ZNF197: variants seen among roughly 807,000 people sequenced by gnomAD.
ZNF197 encodes the protein zinc finger protein 197, also known as VHL-associated KRAB-A domain-containing protein.
In ZNF197, 14 loss-of-function variants were observed where a neutral mutation model predicts 27.4. The observed-to-expected ratio is 0.51, with a 90% CI of 0.34 to 0.80. The LOEUF (loss-of-function observed/expected upper bound fraction) is 0.80. ZNF197 is among the 30% of genes least tolerant of loss of function. ZNF197 has a pLI of 0.02. For missense variants in ZNF197, 1,090 were observed against 1,222.6 expected (o/e 0.89, Z 1.62); for synonymous variants, 415 against 420.0 (o/e 0.99, Z 0.15).
At position 44,644,803 on chromosome 3, in the gene ZNF197, T is replaced by C. The variant is rs1197235811; in HGVS notation, c.*583T>C. On this transcript the variant is annotated 3_prime_UTR_variant, in exon 6 of 6. Coordinates refer to ENST00000344387, the MANE Select transcript of ZNF197 (RefSeq NM_006991.5). Reference sequence around the variant, plus strand: ...GGGAGGCCGAGGTGGGAAGATCCCTTGAGCCCAGGAGTTCGAGACAAGCCT... The same window carrying C: ...GGGAGGCCGAGGTGGGAAGATCCCTCGAGCCCAGGAGTTCGAGACAAGCCT... 2.0e-6 allele frequency: 2 copies of C among 983,702 alleles called. No homozygotes were observed. The highest frequency in any genetic ancestry group is 6.1e-5 in the Admixed American group (1 of 16,264). 60.9% of individuals were successfully genotyped at this position (983,702 alleles called of 1,614,324 possible). A position where few individuals can be genotyped will look rare whatever the true frequency, so the allele number is the denominator to read the frequency against.
rs746696010 is a variant in ZNF197 at position 44,642,902 on chromosome 3, A to T, written c.1772A>T (p.Lys591Met). The change falls in exon 6 of 6, where the codon AAG (lysine) becomes ATG (methionine). Residue 591 changes from lysine to methionine, a missense_variant. Physicochemically the swap from Lys to Met is moderately conservative, Grantham distance 95 (BLOSUM62 -1). Transcript: ENST00000344387. ...TTACATCAGAGAGTCCACACAGAAA[A>T]GAAAACCTTTGGTTGTAAAAAGTGT... Reference protein sequence around the residue: ...LLLHQRVHTEKKTFGCKKCGK... With the variant: ...LLLHQRVHTEMKTFGCKKCGK... The T allele has an allele frequency of 1.2e-6, 2 of 1,614,134 alleles. No individual in the cohort carries two copies. The highest frequency in any genetic ancestry group is 2.2e-5 in the South Asian group (2 of 91,072).
chr3:44,631,256 A>G, intron 3 of ZNF197, 35 bp downstream of exon 3: 1 of 1,611,800 alleles, frequency 6.2e-7, no homozygotes, highest in Non-Finnish European at 8.5e-7. Flanking sequence ...TGGGCTGTTC[A>G]AGGACCCTTC....
chr3:44,628,983 T>C, intron 1 of ZNF197, 91 bp from the exon 2 acceptor site: 1 of 919,904 alleles, frequency 1.1e-6, no homozygotes, highest in Non-Finnish European at 1.6e-6. Context: ...TTCTCTTTAT[T>C]ACTGGGAGCT....
intron 5 of ZNF197, among the ~76,000 whole-genome samples, chr3:44,641,135 T>C (rs1186740491): frequency 6.6e-6 from 1 of 152,208 alleles, no homozygotes; most frequent in Non-Finnish European, 1.5e-5. Context: ...CTTTAAAATA[T>C]TTGAGAATAT....
intron 3 of ZNF197, among the ~76,000 whole-genome samples, chr3:44,631,782 C>T (rs1020833688): frequency 1.8e-4 from 28 of 151,432 alleles, no homozygotes; most frequent in African/African-American, 6.8e-4. Flanking sequence ...CTCACTGCAA[C>T]CTCCGCCTCC....
rs1448312302 is a variant in ZNF197, at chr3:44,642,203, C to T, written c.1073C>T (p.Ser358Phe). 3.1e-6 allele frequency: 5 copies of T among 1,614,118 alleles called. No homozygotes were observed. In the South Asian group the frequency reaches 5.5e-5, roughly 18 times the overall value. ...GDSLTFGSAISESLIGTEGKK... is the reference protein window; with the variant it reads ...GDSLTFGSAIFESLIGTEGKK... Reference sequence around the variant, plus strand: ...AGCTTGACTTTCGGTTCAGCTATTTCTGAAAGTTTAATAGGTACTGAAGGA... The same window carrying T: ...AGCTTGACTTTCGGTTCAGCTATTTTTGAAAGTTTAATAGGTACTGAAGGA... The change falls in exon 6 of 6, where the codon TCT (serine) becomes TTT (phenylalanine). Residue 358 changes from serine (S) to phenylalanine (F), a missense_variant. Physicochemically the swap from Ser to Phe is radical, Grantham distance 155 (BLOSUM62 -2). Coordinates refer to ENST00000344387, the MANE Select transcript of ZNF197 (RefSeq NM_006991.5).
At position 44,645,240 on chromosome 3, in the gene ZNF197, G is replaced by T. The variant is rs533201445; in HGVS notation, c.*1020G>T. Reference sequence around the variant, plus strand: ...TGAAAGTACTTTTTGAAATCATTCAGTTGTCAATAAAGTTGGATAAAAGAG... The same window carrying T: ...TGAAAGTACTTTTTGAAATCATTCATTTGTCAATAAAGTTGGATAAAAGAG... On this transcript the variant is annotated 3_prime_UTR_variant, in exon 6 of 6. Transcript: ENST00000344387. The T allele has an allele frequency of 2.6e-3, 2,516 of 985,342 alleles. 9 individuals are homozygous for T. The highest frequency in any genetic ancestry group is 6.3e-3 in the Middle Eastern group (12 of 1,914). 61.0% of individuals were successfully genotyped at this position (985,342 alleles called of 1,614,324 possible).
intron 5 of ZNF197, among the ~76,000 whole-genome samples, chr3:44,635,458 A>C (rs1559467949): frequency 1.3e-5 from 2 of 152,212 alleles, no homozygotes; most frequent in Non-Finnish European, 2.9e-5. Flanking sequence ...CCCTAAGGGT[A>C]AAGTACTAAG....
chr3:44,635,119 C>T (rs1291599246), intron 5 of ZNF197, among the ~76,000 whole-genome samples: 3 of 151,280 alleles, frequency 2.0e-5, no homozygotes, highest in East Asian at 3.9e-4. Flanking sequence ...TGGACCCATA[C>T]CTCATGCTGT....
In ZNF197 at chr3:44,646,250, T is replaced by C. The variant is rs1702949868; in HGVS notation, c.*2030T>C. On this transcript the variant is annotated 3_prime_UTR_variant, in exon 6 of 6. Transcript: ENST00000344387. ...GAATATCTACCTCACAAAGTTCTTA[T>C]GAGATAATGAATATAAAAATGTTTC... 5 of 980,908 alleles carry C rather than the reference T, an allele frequency of 5.1e-6. No homozygotes were observed. Among genetic ancestry groups the C allele is most frequent in the Non-Finnish European group, 6.1e-6 (5 of 825,888 alleles). 60.8% of individuals were successfully genotyped at this position (980,908 alleles called of 1,614,324 possible).
At chr3:44,636,462 T>C (rs997859643) in intron 5 of ZNF197, among the ~76,000 whole-genome samples, 1 of 152,224 alleles carries the variant, frequency 6.6e-6, no homozygotes, top group Non-Finnish European at 1.5e-5. Context: ...AAACATTTCA[T>C]ATAAATGGAA....
rs1173572906 is a variant in ZNF197 at position 44,646,449 on chromosome 3, T to C, written c.*2229T>C. On this transcript the variant is annotated 3_prime_UTR_variant, in exon 6 of 6. Coordinates refer to ENST00000344387, the MANE Select transcript of ZNF197 (RefSeq NM_006991.5). Reference sequence around the variant, plus strand: ...CTGTGATGTAATAAGCTGAAAAATGTTCAACCTGAATTTAATCAAGCTTCT... The same window carrying C: ...CTGTGATGTAATAAGCTGAAAAATGCTCAACCTGAATTTAATCAAGCTTCT... 1.2e-6 allele frequency: 2 copies of C among 1,613,246 alleles called. No individual in the cohort carries two copies. The highest frequency in any genetic ancestry group is 1.7e-6 in the Non-Finnish European group (2 of 1,179,612).
At position 44,644,044 on chromosome 3, in the gene ZNF197, A is replaced by C; in HGVS notation, c.2914A>C (p.Asn972His). 2 of 1,614,024 alleles carry C rather than the reference A, an allele frequency of 1.2e-6. No homozygotes were observed. Among genetic ancestry groups the C allele is most frequent in the South Asian group, 2.2e-5 (2 of 91,060 alleles). Residue 972 changes from asparagine to histidine, a missense_variant, in exon 6 of 6, where the codon AAC (asparagine) becomes CAC (histidine). Physicochemically the swap from Asn to His is moderately conservative, Grantham distance 68. Coordinates refer to ENST00000344387, the MANE Select transcript of ZNF197 (RefSeq NM_006991.5). Reference protein sequence around the residue: ...DCSKVFRQRKNLTVHQKIHTD... With the variant: ...DCSKVFRQRKHLTVHQKIHTD... ...TAGTAAAGTTTTTAGGCAAAGAAAA[A>C]ACCTTACTGTACATCAGAAAATCCA... is the stretch of plus-strand genomic sequence containing the variant.
chr3:44,645,278 G>T lies in ZNF197; in HGVS notation c.*1058G>T. 1.0e-6 allele frequency: 1 copy of T among 985,400 alleles called. No homozygotes were observed. The highest frequency in any genetic ancestry group is 1.2e-6 in the Non-Finnish European group (1 of 829,924). 61.0% of individuals were successfully genotyped at this position (985,400 alleles called of 1,614,324 possible). A position where few individuals can be genotyped will look rare whatever the true frequency, so the allele number is the denominator to read the frequency against. ...TTGGATAAAAGAGGTTATGGTAAAA[G>T]TTTAGAACATGGGATCATGTAAGTT... On this transcript the variant is annotated 3_prime_UTR_variant, in exon 6 of 6. Transcript: ENST00000344387.
rs748347960 is a variant in ZNF197 at position 44,632,187 on chromosome 3, C to G, written c.633C>G (p.Ala211=). ...NQLMALMLLT[A]QPQELVMFEE... Reference sequence around the variant, plus strand: ...TAATGGCACTTATGCTCCTAACAGCCCAGCCCCAGGTAAGGTTTGCATCCT... The same window carrying G: ...TAATGGCACTTATGCTCCTAACAGCGCAGCCCCAGGTAAGGTTTGCATCCT... Residue 211 remains alanine, a synonymous_variant, in exon 4 of 6, where the codon GCC becomes GCG. Coordinates refer to ENST00000344387, the MANE Select transcript of ZNF197 (RefSeq NM_006991.5). 3.7e-6 allele frequency: 6 copies of G among 1,614,138 alleles called. No homozygotes were observed. In the South Asian group the frequency reaches 5.5e-5, roughly 15 times the overall value.
chr3:44,632,248 A>G (rs1702056343), intron 4 of ZNF197, 52 bp downstream of exon 4: 16 of 1,594,398 alleles, frequency 1.0e-5, no homozygotes, highest in Non-Finnish European at 1.3e-5. Flanking sequence ...ACTGTGGCTG[A>G]AGTGCCCTCT....
At chr3:44,629,983 G>A (rs900506072) in intron 2 of ZNF197, among the ~76,000 whole-genome samples, 1 of 152,244 alleles carries the variant, frequency 6.6e-6, no homozygotes, top group African/African-American at 2.4e-5. Flanking sequence ...TTGGGAGGCT[G>A]AGGTGGGAGG....
At chr3:44,636,702 A>G (rs1006314249) in intron 5 of ZNF197, among the ~76,000 whole-genome samples, 55 of 152,292 alleles carry the variant, frequency 3.6e-4, no homozygotes, top group African/African-American at 1.1e-3. Context: ...TTGTGTGGAT[A>G]TATGTTTTCA....
chr3:44,629,039 G>T, intron 1 of ZNF197, 35 bp from the exon 2 acceptor site: 1 of 1,469,786 alleles, frequency 6.8e-7, no homozygotes, highest in South Asian at 1.4e-5. Context: ...GTTTCTCTGG[G>T]CTAACTTTAA....
Sources: allele counts gnomAD v4.1 joint callset (sites outside exome capture counted in the v4.1 genomes callset), GRCh38; gene constraint gnomAD v4.1.1; transcripts MANE v1.5; gene names NCBI Gene and HGNC (gene_info 2026-07-23, HGNC 2026-07-21).